Variants in DOCK7 observed in about 807,000 individuals in gnomAD.
DOCK7 encodes dedicator of cytokinesis protein 7.
In DOCK7, 138 loss-of-function variants were observed where a neutral mutation model predicts 271.0. The ratio of observed to expected loss-of-function variants is 0.51; its 90% confidence interval spans 0.44 to 0.59. The LOEUF is 0.59. DOCK7 is among the 20% of genes least tolerant of loss of function. DOCK7 has a pLI of 0.00. For missense variants in DOCK7, 2,066 were observed against 2,592.4 expected (o/e 0.80, Z 4.41); for synonymous variants, 823 against 876.1 (o/e 0.94, Z 1.07).
rs1033300968 is a variant in DOCK7, at chr1:62,654,009, G to C, written c.295C>G (p.Leu99Val). 6.2e-7 allele frequency: 1 copy of C among 1,613,476 alleles called. No individual in the cohort carries two copies. Among genetic ancestry groups the C allele is most frequent in the Non-Finnish European group, 8.5e-7 (1 of 1,179,810 alleles). The change falls in exon 3 of 50, where the codon CTT (leucine) becomes GTT (valine). Residue 99 changes from leucine (L) to valine (V), a missense_variant. By Grantham distance (32) the Leu-to-Val change is conservative. This residue lies in a region of DOCK7 where 1,414 missense variants were observed against 1,670.4 expected (regional missense o/e 0.85). Transcript: ENST00000635253. ...VVYSPRDCRT[L>V]VSAVPEESEM... Reference sequence around the variant, plus strand: ...CTTTCTTCAGGTACAGCTGAAACAAGAGTTCTGCAGTCCCGAGGACTATAA... The same window carrying C: ...CTTTCTTCAGGTACAGCTGAAACAACAGTTCTGCAGTCCCGAGGACTATAA...
intron 1 of DOCK7, among the ~76,000 whole-genome samples, chr1:62,669,994 G>A (rs1485739384): frequency 1.3e-5 from 2 of 152,246 alleles, no homozygotes; most frequent in Admixed American, 1.3e-4. Context: ...CAGCCAGCCA[G>A]CCCTGCTGGC....
At chr1:62,589,317 T>C (rs77581551) in intron 14 of DOCK7, among the ~76,000 whole-genome samples, 1 of 152,192 alleles carries the variant, frequency 6.6e-6, no homozygotes, top group Non-Finnish European at 1.5e-5. Context: ...ATGAAACATA[T>C]TTGATGAGTC....
intron 48 of DOCK7, chr1:62,458,794 G>C (rs1391134865): frequency 6.6e-6 from 1 of 152,150 alleles, no homozygotes; most frequent in Non-Finnish European, 1.5e-5. Flanking sequence ...GCCTCCCTAA[G>C]TGCTGGGATT....
intron 7 of DOCK7, among the ~76,000 whole-genome samples, chr1:62,646,101 C>T (rs1350209433): frequency 6.7e-6 from 1 of 150,104 alleles, no homozygotes. Flanking sequence ...AAGCCGAGAT[C>T]GCACCACTGC....
At chr1:62,630,802 T>TA (rs1654527933) in intron 11 of DOCK7, among the ~76,000 whole-genome samples, 1 of 151,796 alleles carries the variant, frequency 6.6e-6, no homozygotes, top group Non-Finnish European at 1.5e-5. Context: ...ATAATGGTGT[T>TA]AAATGAGAAA....
rs1646559797 is a variant in DOCK7 at position 62,494,453 on chromosome 1, T to C, written c.5039A>G (p.Tyr1680Cys). The C allele has an allele frequency of 6.2e-7, 1 of 1,603,898 alleles. No individual in the cohort carries two copies. The highest frequency in any genetic ancestry group is 1.3e-5 in the African/African-American group (1 of 74,774). The change falls in exon 40 of 50, where the codon TAC (tyrosine) becomes TGC (cysteine). Residue 1680 changes from tyrosine to cysteine, a missense_variant. Around this residue, in one of 2 missense-constraint regions of DOCK7, gnomAD observed 652 missense variants for 922.1 expected, o/e 0.71. Transcript: ENST00000635253. Reference protein sequence around the residue: ...IDLMYRIAKGYQTSPDLRLTW... With the variant: ...IDLMYRIAKGCQTSPDLRLTW... ...CAATCGCAGATCTGGAGAGGTCTGG[T>C]AACCCTTGGCAATTCTAATTAGAAC...
intron 1 of DOCK7, among the ~76,000 whole-genome samples, chr1:62,664,180 A>G (rs76959102): frequency 0.011 from 1,738 of 152,286 alleles, 44 homozygotes; most frequent in African/African-American, 0.039. Flanking sequence ...TGGGGACAAG[A>G]AAGGAAGAAT....
intron 7 of DOCK7, among the ~76,000 whole-genome samples, chr1:62,645,475 A>G: frequency 6.6e-6 from 1 of 152,204 alleles, no homozygotes; most frequent in South Asian, 2.1e-4. Context: ...AATCAGAATA[A>G]GCAAATCTGT....
intron 1 of DOCK7, among the ~76,000 whole-genome samples, chr1:62,668,129 T>C (rs2149732736): frequency 6.6e-6 from 1 of 152,334 alleles, no homozygotes; most frequent in South Asian, 2.1e-4. Context: ...ATGTTTAACC[T>C]GAATCGAATC....
chr1:62,467,241 C>T (rs1312638512), intron 48 of DOCK7, among the ~76,000 whole-genome samples: 1 of 152,164 alleles, frequency 6.6e-6, no homozygotes, highest in East Asian at 1.9e-4. Context: ...GGTTTTACAA[C>T]AGGGCCAATC....
In DOCK7 at chr1:62,543,680, T is replaced by C; in HGVS notation, c.2925A>G (p.Leu975=). 1 of 1,604,476 alleles carries C rather than the reference T, an allele frequency of 6.2e-7. No homozygotes were observed. The highest frequency in any genetic ancestry group is 1.1e-5 in the South Asian group (1 of 89,976). The change falls in exon 24 of 50, where the codon TTA becomes TTG. Residue 975 remains leucine, a synonymous_variant. Transcript: ENST00000635253. ...CCTTTTTAGTTGGTAAGCGTCCCGT[T>C]AATGTTTGTAAGAAACTTGACGTCT... ...HTETSSFLQT[L]TGRLPTKKLF... is the part of the protein sequence containing the mutation.
At chr1:62,508,747 TAAAG>T (rs1404482790) in intron 34 of DOCK7, among the ~76,000 whole-genome samples, 2 of 151,464 alleles carry the variant, frequency 1.3e-5, no homozygotes, top group Non-Finnish European at 2.9e-5. Context: ...AGAAAAATAA[TAAAG>T]AAAAAAGAAC....
intron 14 of DOCK7, chr1:62,605,153 T>C (rs373869447): frequency 8.6e-6 from 2 of 233,672 alleles, no homozygotes; most frequent in East Asian, 1.1e-4. Context: ...TTAAAAGGCA[T>C]CATATGAGCT....
intron 16 of DOCK7, among the ~76,000 whole-genome samples, chr1:62,580,785 G>A (rs1647092291): frequency 6.6e-6 from 1 of 152,104 alleles, no homozygotes; most frequent in Non-Finnish European, 1.5e-5. Context: ...TGGCCTATGA[G>A]CTAAAAATAG....
At chr1:62,600,927 T>C (rs1343273293) in intron 14 of DOCK7, 1 of 586,578 alleles carries the variant, frequency 1.7e-6, no homozygotes. Flanking sequence ...ACAGGTAATC[T>C]GTACAATCTG....
intron 1 of DOCK7, among the ~76,000 whole-genome samples, chr1:62,686,154 T>G (rs952033812): frequency 1.5e-4 from 1 of 6,706 alleles, no homozygotes; most frequent in African/African-American, 1.6e-4. Context: ...TGTCAAGTAA[T>G]AACTTTTTTT....
chr1:62,646,179 A>AC (rs1282171939), intron 7 of DOCK7, among the ~76,000 whole-genome samples: 2 of 151,514 alleles, frequency 1.3e-5, no homozygotes, highest in Non-Finnish European at 2.9e-5. Context: ...CAAAAAAAAA[A>AC]CCCACTCATA....
intron 48 of DOCK7, chr1:62,458,584 G>C (rs574065359): frequency 6.8e-6 from 1 of 147,470 alleles, no homozygotes; most frequent in Non-Finnish European, 1.5e-5. Flanking sequence ...GCAGGCTGGA[G>C]TGCAGTGGCG....
chr1:62,606,703 T>C (rs1422741105), intron 14 of DOCK7, among the ~76,000 whole-genome samples: 3 of 152,186 alleles, frequency 2.0e-5, no homozygotes, highest in Middle Eastern at 3.2e-3. Context: ...CTTTCTCATA[T>C]TTAGTACTGT....
Sources: allele counts gnomAD v4.1 joint callset (sites outside exome capture counted in the v4.1 genomes callset), GRCh38; gene constraint gnomAD v4.1.1; regional missense constraint gnomAD v4.1.1; transcripts MANE v1.5; gene names NCBI Gene and HGNC (gene_info 2026-07-23, HGNC 2026-07-21).